The following ABHD2 variants were observed in gnomAD, a reference collection of about 807,000 sequenced individuals.
The protein encoded by ABHD2 is abhydrolase domain containing 2, acylglycerol lipase.
A neutral mutation model predicts 48.1 loss-of-function variants in ABHD2; 20 were observed. The ratio of observed to expected loss-of-function variants is 0.42; its 90% CI spans 0.29 to 0.60. The LOEUF (loss-of-function observed/expected upper bound fraction) is 0.60, where lower values mean the gene tolerates loss of function less well. Ranked by LOEUF, ABHD2 falls within the 20% of genes least tolerant of loss-of-function variation. ABHD2 has a pLI of 0.24. For missense variants in ABHD2, 405 were observed against 550.9 expected (o/e 0.74, Z 2.65); for synonymous variants, 209 against 214.2 (o/e 0.98, Z 0.21).
chr15:89,151,646 A>G lies in ABHD2; in HGVS notation c.195-31A>G, dbSNP rs747949381. On this transcript the variant is annotated intron_variant, in intron 3 of 10. Transcript: ENST00000352732. This position sits in a 1 kb window ranked among gnomAD's most constrained non-coding sequence, Gnocchi z 4.7. ...TCAGAACGTTGCTCAAGGAATGTAGAGAAAATTGACCTCCCTTGTCCTTTC... is the reference window on the plus strand; with the variant it reads ...TCAGAACGTTGCTCAAGGAATGTAGGGAAAATTGACCTCCCTTGTCCTTTC... 7 of 1,581,760 alleles carry G rather than the reference A, an allele frequency of 4.4e-6. No individual in the cohort carries two copies. In the East Asian group the frequency reaches 1.1e-4, roughly 25 times the overall value.
At chr15:89,103,891 T>C (rs917886064) in intron 1 of ABHD2, 1 of 152,198 alleles carries the variant, frequency 6.6e-6, no homozygotes, top group African/African-American at 2.4e-5. Flanking sequence ...CAATATCCCT[T>C]TTTCATTTCA....
intron 1 of ABHD2, among the ~76,000 whole-genome samples, chr15:89,101,179 T>A (rs1260821961): frequency 6.6e-6 from 1 of 152,250 alleles, no homozygotes; most frequent in Non-Finnish European, 1.5e-5. Context: ...TTTCTTTATT[T>A]GTGAGACAGC....
chr15:89,056,837 A>G, the ABHD2 span, among the ~76,000 whole-genome samples: 1 of 151,558 alleles, frequency 6.6e-6, no homozygotes, highest in Non-Finnish European at 1.5e-5. Context: ...GTTTGTGTGC[A>G]GGCAGTCAGG....
chr15:89,087,012 C>T (rs1450361547), upstream of ABHD2: 1 of 152,062 alleles, frequency 6.6e-6, no homozygotes. This position sits in a 1 kb window ranked among gnomAD's most constrained non-coding sequence, Gnocchi z 5.5. Flanking sequence ...CTCCTTCACT[C>T]TGATGTACCA....
chr15:89,136,420 C>A (rs1447570863), intron 3 of ABHD2: 1 of 497,558 alleles, frequency 2.0e-6, no homozygotes. Context: ...TTCTTATGTG[C>A]CTCCCTACAA....
At chr15:89,140,119 C>T (rs2050378474) in intron 3 of ABHD2, among the ~76,000 whole-genome samples, 1 of 152,198 alleles carries the variant, frequency 6.6e-6, no homozygotes, top group African/African-American at 2.4e-5. Context: ...TGTAAAGTGA[C>T]ACAGCCGGTG....
chr15:89,059,008 G>C, the ABHD2 span, among the ~76,000 whole-genome samples: 1 of 152,172 alleles, frequency 6.6e-6, no homozygotes, highest in African/African-American at 2.4e-5. Context: ...AGGGCTCTTT[G>C]CCTGAAATGA....
At chr15:89,117,113 C>T (rs1218552789) in intron 3 of ABHD2, among the ~76,000 whole-genome samples, 2 of 152,154 alleles carry the variant, frequency 1.3e-5, no homozygotes. Flanking sequence ...GCAACCTCCA[C>T]CTCCCGGGTT....
Position 89,164,248 on chromosome 15 carries a change from C to A in ABHD2, c.538+8714C>A, listed in dbSNP as rs772379090. On this transcript the variant is annotated intron_variant, in intron 5 of 10. Coordinates refer to ENST00000352732, the MANE Select transcript of ABHD2 (RefSeq NM_152924.5). This position sits in a 1 kb window ranked among gnomAD's most constrained non-coding sequence, Gnocchi z 5.0. ...GGGAAGGAGGGTGCACAGTCACAGT[C>A]GGTCTAAGCTTATTGGCTAGGTTTG... Among the ~76,000 whole-genome samples, 2 of 152,140 alleles carry A rather than the reference C, an allele frequency of 1.3e-5. No homozygotes were observed. Among genetic ancestry groups the A allele is most frequent in the African/African-American group, 4.8e-5 (2 of 41,428 alleles).
chr15:89,147,194 A>C (rs2050506505), intron 3 of ABHD2, among the ~76,000 whole-genome samples: 1 of 152,212 alleles, frequency 6.6e-6, no homozygotes, highest in African/African-American at 2.4e-5. Flanking sequence ...TTGTGCAAGG[A>C]CAATGAGCTA....
At chr15:89,063,729 G>A in the ABHD2 span, among the ~76,000 whole-genome samples, 1 of 152,042 alleles carries the variant, frequency 6.6e-6, no homozygotes, top group African/African-American at 2.4e-5. Context: ...CTATCACCAC[G>A]ATTCACTTCC....
chr15:89,112,654 C>G (rs562222658), intron 1 of ABHD2, among the ~76,000 whole-genome samples: 1 of 152,220 alleles, frequency 6.6e-6, no homozygotes. Context: ...AGAAATTGGG[C>G]TTGAATCCCA....
chr15:89,136,075 C>G (rs1239836087), intron 3 of ABHD2: 1 of 200,698 alleles, frequency 5.0e-6, no homozygotes, highest in Non-Finnish European at 1.0e-5. Context: ...TACAGACGCC[C>G]GCCACCATGC....
chr15:89,201,075 TC>T lies in ABHD2; in HGVS notation c.*5654del. ...CCAGCCTGGGCAACAAGAGTGAGAC[TC>T]CGTCTCCAAAAAAAGAAAAGGAATC... is the stretch of plus-strand genomic sequence containing the variant. On this transcript the variant is annotated 3_prime_UTR_variant, in exon 11 of 11. Transcript: ENST00000352732. 1 of 846,340 alleles carries T rather than the reference TC, an allele frequency of 1.2e-6. No individual in the cohort carries two copies. Among genetic ancestry groups the T allele is most frequent in the Non-Finnish European group, 2.0e-6 (1 of 493,976 alleles). 52.4% of individuals were successfully genotyped at this position (846,340 alleles called of 1,614,324 possible).
At chr15:89,128,795 G>A (rs1446334645) in intron 3 of ABHD2, among the ~76,000 whole-genome samples, 6 of 152,156 alleles carry the variant, frequency 3.9e-5, no homozygotes, top group African/African-American at 1.2e-4. Context: ...CTGTGGGGGG[G>A]AGGAAGAGGA....
chr15:89,056,701 G>A, the ABHD2 span, among the ~76,000 whole-genome samples: 1 of 151,910 alleles, frequency 6.6e-6, no homozygotes, highest in African/African-American at 2.4e-5. Flanking sequence ...ATAGAACAGT[G>A]CAATGAAAAA....
Position 89,193,326 on chromosome 15 carries a change from G to A in ABHD2, c.1081+7G>A. 1 of 1,611,398 alleles carries A rather than the reference G, an allele frequency of 6.2e-7. No homozygotes were observed. The highest frequency in any genetic ancestry group is 8.5e-7 in the Non-Finnish European group (1 of 1,177,468). On this transcript the variant is annotated splice_region_variant and intron_variant, in intron 10 of 10. Coordinates refer to ENST00000352732, the MANE Select transcript of ABHD2 (RefSeq NM_152924.5). ...ATTCCAAAATCTCTTTCAGGTAAGTGTTTCTTCCTGCTGCCCTCTCAACAG... is the reference window on the plus strand; with the variant it reads ...ATTCCAAAATCTCTTTCAGGTAAGTATTTCTTCCTGCTGCCCTCTCAACAG...
intron 5 of ABHD2, among the ~76,000 whole-genome samples, chr15:89,156,009 G>A (rs575378745): frequency 5.9e-5 from 9 of 152,192 alleles, no homozygotes; most frequent in East Asian, 1.9e-4. Flanking sequence ...ACTAGATCTC[G>A]TCTTTCGACG....
intron 5 of ABHD2, among the ~76,000 whole-genome samples, chr15:89,170,077 A>ATTTT (rs1555432359): frequency 8.4e-4 from 47 of 56,072 alleles, no homozygotes; most frequent in Admixed American, 2.7e-3. Context: ...GTCAGATCAG[A>ATTTT]TTCTTTTTTT....
Sources: allele counts gnomAD v4.1 joint callset (sites outside exome capture counted in the v4.1 genomes callset), GRCh38; gene constraint gnomAD v4.1.1; non-coding constraint Gnocchi (gnomAD v3.1); transcripts MANE v1.5; gene names NCBI Gene and HGNC (gene_info 2026-07-23, HGNC 2026-07-21).